The following MEGF6 variants were observed in gnomAD, a reference collection of about 807,000 sequenced individuals.
The protein encoded by MEGF6 is multiple epidermal growth factor-like domains protein 6.
A neutral mutation model predicts 207.1 loss-of-function variants in MEGF6; 184 were observed. That is an observed-to-expected ratio of 0.89 (90% CI 0.79 to 1.00). The LOEUF is 1.00. Ranked by LOEUF, MEGF6 falls within the 50% of genes least tolerant of loss-of-function variation. The pLI is 0.00. For missense variants in MEGF6, 2,282 were observed against 2,202.9 expected, an observed-to-expected ratio of 1.04 and a Z score of -0.72; for synonymous variants, 1,038 against 910.0, an observed-to-expected ratio of 1.14 and a Z score of -2.53.
At chr1:3,496,916 G>A in intron 28 of MEGF6, 72 bp downstream of exon 28, 4 of 1,529,524 alleles carry the variant, frequency 2.6e-6, no homozygotes, top group Non-Finnish European at 3.5e-6. Flanking sequence ...CCTTCCCGGG[G>A]ACCAGGGGAA....
Position 3,495,973 on chromosome 1 carries a change from C to T in MEGF6, c.3788G>A (p.Gly1263Glu), listed in dbSNP as rs1234396952. ...RFGPNCTHVCGCGQGAACDPV... is the reference protein window; with the variant it reads ...RFGPNCTHVCECGQGAACDPV... The stretch of plus-strand genomic sequence containing the variant: ...GTCGCAGGCCGCCCCCTGCCCACAC[C>T]CACACACGTGGGTGCAGTTGGGGCC... Residue 1263 changes from glycine to glutamate, a missense_variant, in exon 30 of 37, where the codon GGG (glycine) becomes GAG (glutamate). Transcript: ENST00000356575. 6 of 1,576,462 alleles carry T rather than the reference C, an allele frequency of 3.8e-6. No individual in the cohort carries two copies. Among genetic ancestry groups the T allele is most frequent in the African/African-American group, 1.3e-5 (1 of 74,346 alleles).
chr1:3,587,287 C>T (rs1643905843), intron 3 of MEGF6, among the ~76,000 whole-genome samples: 1 of 152,392 alleles, frequency 6.6e-6, no homozygotes, highest in East Asian at 1.9e-4. Context: ...GGAAAGAAGT[C>T]AGCATCTGCC....
intron 4 of MEGF6, among the ~76,000 whole-genome samples, chr1:3,551,186 T>C (rs1181170639): frequency 2.6e-5 from 4 of 152,160 alleles, no homozygotes; most frequent in Non-Finnish European, 5.9e-5. Context: ...CACCAGAGGC[T>C]CCGCTTGGGG....
chr1:3,547,857 G>A (rs538486839), intron 4 of MEGF6, among the ~76,000 whole-genome samples: 6 of 152,316 alleles, frequency 3.9e-5, no homozygotes, highest in East Asian at 3.9e-4. Context: ...CAGAGGCAGC[G>A]TCACTGCCTC....
chr1:3,502,164 G>T (rs1198373687), intron 17 of MEGF6, among the ~76,000 whole-genome samples: 1 of 40,040 alleles, frequency 2.5e-5, no homozygotes, highest in Non-Finnish European at 5.1e-5. Flanking sequence ...TCCCCAGAGT[G>T]GCCAGGCAGG....
At position 3,584,692 on chromosome 1, in the gene MEGF6, C is replaced by T. The variant is rs539531911; in HGVS notation, c.377-4763G>A. Among the ~76,000 whole-genome samples, 1,280 of 152,324 alleles carry T rather than the reference C, an allele frequency of 8.4e-3. 15 individuals are homozygous for T. The highest frequency in any genetic ancestry group is 0.031 in the Middle Eastern group (9 of 294). On this transcript the variant is annotated intron_variant, in intron 3 of 36. Coordinates refer to ENST00000356575, the MANE Select transcript of MEGF6 (RefSeq NM_001409.4). ...AGCAGAAACCTCCAGGGGACAGGGACGGAGCCGAGGATCAGGGACTCCTGC... is the reference window on the plus strand; with the variant it reads ...AGCAGAAACCTCCAGGGGACAGGGATGGAGCCGAGGATCAGGGACTCCTGC...
chr1:3,531,408 C>T, intron 4 of MEGF6: 3 of 1,144,790 alleles, frequency 2.6e-6, no homozygotes, highest in Non-Finnish European at 2.1e-6. Context: ...CCGGGAGCCG[C>T]TCTGGGCCGG....
At chr1:3,585,237 T>G (rs962409475) in intron 3 of MEGF6, among the ~76,000 whole-genome samples, 7 of 149,080 alleles carry the variant, frequency 4.7e-5, no homozygotes, top group Non-Finnish European at 1.0e-4. Context: ...GTCCTGTGTG[T>G]GGGTGTGAGT....
intron 4 of MEGF6, among the ~76,000 whole-genome samples, chr1:3,579,242 G>T: frequency 6.6e-6 from 1 of 152,204 alleles, no homozygotes; most frequent in East Asian, 1.9e-4. Flanking sequence ...GCTTTTCCCC[G>T]CATTGGCACG....
At chr1:3,536,954 CT>C (rs1385772330) in intron 4 of MEGF6, among the ~76,000 whole-genome samples, 4 of 152,282 alleles carry the variant, frequency 2.6e-5, no homozygotes, top group African/African-American at 9.6e-5. Context: ...CAAGGCCCCC[CT>C]CCAGCCTTGC....
intron 3 of MEGF6, among the ~76,000 whole-genome samples, chr1:3,588,827 C>T (rs1232741830): frequency 1.3e-5 from 2 of 152,028 alleles, no homozygotes; most frequent in Non-Finnish European, 2.9e-5. Flanking sequence ...AGCCCTGTCA[C>T]CTCTCACAAG....
At chr1:3,514,884 C>T (rs558603971) in intron 6 of MEGF6, among the ~76,000 whole-genome samples, 78 of 152,334 alleles carry the variant, frequency 5.1e-4, no homozygotes, top group African/African-American at 1.9e-3. Flanking sequence ...CGCGGCCAGC[C>T]AGCCCAGGTC....
At chr1:3,590,414 G>A (rs1332343901) in intron 3 of MEGF6, among the ~76,000 whole-genome samples, 1 of 152,196 alleles carries the variant, frequency 6.6e-6, no homozygotes, top group Non-Finnish European at 1.5e-5. Context: ...AGCAAGAGGA[G>A]TGGGTCCGAA....
chr1:3,554,151 C>T (rs1392060900), intron 4 of MEGF6, among the ~76,000 whole-genome samples: 2 of 152,166 alleles, frequency 1.3e-5, no homozygotes. Context: ...ATCCCGCCCC[C>T]GGCAGCCACC....
chr1:3,493,464 AC>A (rs1640460979), intron 34 of MEGF6: 13 of 457,040 alleles, frequency 2.8e-5, no homozygotes, highest in Non-Finnish European at 5.1e-5. Context: ...CCCCCAGTCC[AC>A]AGCTGGCAGA....
chr1:3,499,480 T>C, intron 23 of MEGF6, 108 bp downstream of exon 23: 5 of 1,485,524 alleles, frequency 3.4e-6, no homozygotes, highest in Non-Finnish European at 4.5e-6. Flanking sequence ...CTCAGGGGGG[T>C]TGCCTGGTAG....
At chr1:3,503,699 ATGTGTGTATG>A (rs1292151894) in intron 17 of MEGF6, among the ~76,000 whole-genome samples, 1 of 135,422 alleles carries the variant, frequency 7.4e-6, no homozygotes, top group Non-Finnish European at 1.6e-5. Context: ...GTGTGCATGT[ATGTGTGTATG>A]TGTGTGTAAG....
upstream of MEGF6, among the ~76,000 whole-genome samples, chr1:3,613,937 G>C (rs939700799): frequency 9.9e-5 from 15 of 152,014 alleles, no homozygotes; most frequent in Non-Finnish European, 1.5e-4. Context: ...GCATTGTGTT[G>C]AGCAGCTGGG....
At position 3,611,493 on chromosome 1, in the gene MEGF6, G is replaced by A. The variant is rs545233614; in HGVS notation, c.-225C>T. On this transcript the variant is annotated 5_prime_UTR_variant, in exon 1 of 37. Transcript: ENST00000356575. ...GTCCACCCTGCAGGAACTCGCCCCG[G>A]CGCGTTGAGCACAGTGCCCCGGACT... 4.8e-4 allele frequency: 243 copies of A among 511,498 alleles called. 3 individuals carry two copies. In the East Asian group the frequency reaches 9.3e-3, roughly 20 times the overall value. 31.7% of individuals were successfully genotyped at this position (511,498 alleles called of 1,614,324 possible). A position where few individuals can be genotyped will look rare whatever the true frequency, so the allele number is the denominator to read the frequency against.
Sources: gnomAD v4.1 joint callset for allele counts (sites outside exome capture counted in the v4.1 genomes callset) on GRCh38, gnomAD v4.1.1 for gene constraint, MANE v1.5 for transcripts, NCBI Gene and HGNC (gene_info 2026-07-23, HGNC 2026-07-21) for gene names.